The following MTG1 variants were observed in gnomAD, a reference collection of about 807,000 sequenced individuals.
MTG1 encodes the protein mitochondrial ribosome associated GTPase 1.
In MTG1, 30 loss-of-function variants were observed where a neutral mutation model predicts 39.5. The ratio of observed to expected loss-of-function variants is 0.76; its 90% CI spans 0.57 to 1.03. The LOEUF is 1.03. Among genes scored for constraint, MTG1 ranks in the 50% least tolerant of loss-of-function variants. The pLI, the probability that MTG1 is intolerant of heterozygous loss-of-function variation, is 0.00. For synonymous variants in MTG1, 217 were observed against 179.0 expected, an observed-to-expected ratio of 1.21 and a Z score of -1.69; for missense variants, 513 against 447.4, an observed-to-expected ratio of 1.15 and a Z score of -1.32.
intron 6 of MTG1, 22 bp downstream of exon 6, chr10:133,399,641 C>A (rs1296631070): frequency 6.2e-7 from 1 of 1,610,502 alleles, no homozygotes; most frequent in East Asian, 2.2e-5. Context: ...TGCGGCTGAT[C>A]ACCTCAGGAA....
chr10:133,395,603 A>C (rs958814030), intron 1 of MTG1, 110 bp from the exon 2 acceptor site: 1 of 1,012,728 alleles, frequency 9.9e-7, no homozygotes, highest in Non-Finnish European at 1.5e-6. Context: ...CCTCAGATAT[A>C]GTCTTTTTAG....
At chr10:133,419,433 G>A (rs896927368) in intron 9 of MTG1, 47 bp from the exon 10 acceptor site, 5 of 1,511,896 alleles carry the variant, frequency 3.3e-6, no homozygotes, top group Admixed American at 2.0e-5. Flanking sequence ...CTGGCCGCGC[G>A]GTGTCAGTGC....
At chr10:133,398,881 G>A (rs1849826898) in intron 4 of MTG1, among the ~76,000 whole-genome samples, 2 of 152,142 alleles carry the variant, frequency 1.3e-5, no homozygotes, top group Non-Finnish European at 2.9e-5. Context: ...GGGAGGGGAC[G>A]GGCATAGGTG....
In MTG1 at chr10:133,421,021, GTATGGAC is replaced by G. The variant is rs1431295468; in HGVS notation, c.*859_*865del. On this transcript the variant is annotated 3_prime_UTR_variant, in exon 11 of 11. Transcript: ENST00000317502. ...GGAAGGAAGGTGGGTGGGGCTGGTA[GTATGGAC>G]TAAGGTGCTGCAGGACCTGGGGCCA... is the stretch of plus-strand genomic sequence containing the variant. 1 of 152,762 alleles carries G rather than the reference GTATGGAC, an allele frequency of 6.5e-6. No homozygotes were observed. The allele number at this position is 152,762 out of a possible 1,614,324, so 9.5% of individuals were successfully genotyped here. A position where few individuals can be genotyped will look rare whatever the true frequency, so the allele number is the denominator to read the frequency against.
chr10:133,400,448 A>G (rs1439874415), intron 6 of MTG1, among the ~76,000 whole-genome samples: 1 of 152,224 alleles, frequency 6.6e-6, no homozygotes, highest in Non-Finnish European at 1.5e-5. Context: ...CTTTTCCTTA[A>G]GTATTTTCAA....
chr10:133,419,450 C>T, intron 9 of MTG1, 30 bp from the exon 10 acceptor site: 3 of 1,556,892 alleles, frequency 1.9e-6, no homozygotes, highest in Non-Finnish European at 2.6e-6. Context: ...GTGCTGGGCC[C>T]CCTGGTGCTG....
chr10:133,396,324 C>T (rs1484032689), intron 3 of MTG1, 57 bp downstream of exon 3: 3 of 1,458,990 alleles, frequency 2.1e-6, no homozygotes, highest in African/African-American at 2.8e-5. Context: ...CCCGAGGTCG[C>T]TTGTTCTAAC....
At chr10:133,415,636 T>G (rs1370052034) in intron 9 of MTG1, among the ~76,000 whole-genome samples, 2 of 152,264 alleles carry the variant, frequency 1.3e-5, no homozygotes, top group Non-Finnish European at 2.9e-5. Flanking sequence ...CTTCCAGGAT[T>G]TTCTCTCTCA....
intron 9 of MTG1, among the ~76,000 whole-genome samples, chr10:133,415,242 T>C (rs982166486): frequency 2.6e-5 from 4 of 152,198 alleles, no homozygotes; most frequent in Admixed American, 2.6e-4. Flanking sequence ...CCCTGTTTTT[T>C]CATAGACGGG....
rs760541602 is a variant in MTG1, at chr10:133,419,585, G to A, written c.858G>A (p.Thr286=). The A allele has an allele frequency of 1.3e-5, 21 of 1,601,416 alleles. No homozygotes were observed. The highest frequency in any genetic ancestry group is 1.8e-4 in the Middle Eastern group (1 of 5,598). The stretch of plus-strand genomic sequence containing the variant: ...AGACGCAGAAGGTGAAGGTGCTCAC[G>A]GGCACGGGTGAGTGAGGTCGCTGAT... ...LGKTQKVKVL[T]GTGNVNIIQP... is the part of the protein sequence containing the mutation. Residue 286 remains threonine, a synonymous_variant, in exon 10 of 11, where the codon ACG becomes ACA. Transcript: ENST00000317502.
chr10:133,412,515 A>G (rs996775579), intron 9 of MTG1, among the ~76,000 whole-genome samples: 1 of 152,146 alleles, frequency 6.6e-6, no homozygotes, highest in Non-Finnish European at 1.5e-5. Flanking sequence ...TTTCCAGTCC[A>G]GATGCCATAT....
intron 4 of MTG1, 108 bp from the exon 5 acceptor site, chr10:133,399,062 A>G: frequency 8.2e-7 from 1 of 1,224,170 alleles, no homozygotes; most frequent in Non-Finnish European, 1.2e-6. Context: ...CGGATATGTG[A>G]AAGTGGAGAC....
rs1850206271 is a variant in MTG1, at chr10:133,420,090, C to T, written c.930C>T (p.Arg310=). 2.5e-6 allele frequency: 4 copies of T among 1,613,466 alleles called. No individual in the cohort carries two copies. Among genetic ancestry groups the T allele is most frequent in the Non-Finnish European group, 3.4e-6 (4 of 1,179,824 alleles). ...AAARDFLQTF[R]RGLLGSVMLD... is the part of the protein sequence containing the mutation. ...CCCGTGACTTCCTGCAGACTTTCCG[C>T]CGTGGGCTGCTGGGTTCCGTGATGC... Residue 310 remains arginine, a synonymous_variant, in exon 11 of 11, where the codon CGC becomes CGT. Transcript: ENST00000317502.
chr10:133,411,407 T>G (rs1344803848), intron 9 of MTG1, among the ~76,000 whole-genome samples: 2 of 152,298 alleles, frequency 1.3e-5, no homozygotes, highest in Non-Finnish European at 2.9e-5. Flanking sequence ...TTGATTATTA[T>G]ATTCTGTAGG....
chr10:133,395,768 C>T lies in MTG1; in HGVS notation c.168C>T (p.His56=), dbSNP rs199886889. Reference sequence around the variant, plus strand: ...TGGTGGACTGTATCATCGAGGTCCACGATGCCCGGATATCCTTTCACAGAG... The same window carrying T: ...TGGTGGACTGTATCATCGAGGTCCATGATGCCCGGATATCCTTTCACAGAG... ...LKLVDCIIEV[H]DARIPLSGRN... Residue 56 remains histidine (H), a synonymous_variant, in exon 2 of 11, where the codon CAC becomes CAT. Transcript: ENST00000317502. The T allele has an allele frequency of 5.5e-4, 889 of 1,613,840 alleles. No individual in the cohort carries two copies. The highest frequency in any genetic ancestry group is 8.2e-4 in the Middle Eastern group (5 of 6,076).
intron 9 of MTG1, among the ~76,000 whole-genome samples, chr10:133,411,475 T>C (rs2133508854): frequency 6.6e-6 from 1 of 152,348 alleles, no homozygotes; most frequent in Middle Eastern, 3.4e-3. Flanking sequence ...TACCTGGACA[T>C]TTATGTCTTT....
intron 3 of MTG1, among the ~76,000 whole-genome samples, chr10:133,397,586 C>G (rs1849802445): frequency 1.3e-5 from 2 of 151,788 alleles, no homozygotes; most frequent in East Asian, 3.9e-4. Flanking sequence ...TCACGCCATT[C>G]TCCTGCCTCA....
intron 9 of MTG1, among the ~76,000 whole-genome samples, chr10:133,415,983 C>CGGGTAGGCGGGTGTCG (rs541432761): frequency 9.7e-6 from 1 of 102,574 alleles, no homozygotes; most frequent in Non-Finnish European, 2.1e-5. Context: ...AGGCGGGTGT[C>CGGGTAGGCGGGTGTCG]GGCACGCGGG....
chr10:133,414,277 T>A (rs1455315143), intron 9 of MTG1, among the ~76,000 whole-genome samples: 3 of 151,238 alleles, frequency 2.0e-5, no homozygotes, highest in Non-Finnish European at 4.4e-5. Context: ...GAATTTTTCT[T>A]AGTACAGAAC....
Sources: gnomAD v4.1 joint callset for allele counts (sites outside exome capture counted in the v4.1 genomes callset) on GRCh38, gnomAD v4.1.1 for gene constraint, MANE v1.5 for transcripts, NCBI Gene and HGNC (gene_info 2026-07-23, HGNC 2026-07-21) for gene names.